NLGN4X: variants seen among roughly 807,000 people sequenced by gnomAD.
NLGN4X encodes the protein neuroligin-4, X-linked.
NLGN4X carries 3 observed loss-of-function variants against 40.3 expected under a neutral mutation model. The ratio of observed to expected loss-of-function variants is 0.07; its 90% CI spans 0.03 to 0.19. NLGN4X has a LOEUF of 0.19. Ranked by LOEUF, NLGN4X falls within the 10% of genes least tolerant of loss-of-function variation. The pLI, the probability that NLGN4X is intolerant of heterozygous loss-of-function variation, is 1.00. For synonymous variants in NLGN4X, 270 were observed against 306.8 expected (o/e 0.88, Z 1.25); for missense variants, 382 against 708.3 (o/e 0.54, Z 5.23).
At chrX:6,004,571 T>C (rs2036055893) in intron 3 of NLGN4X, among the ~76,000 whole-genome samples, 1 of 112,119 alleles carries the variant, frequency 8.9e-6, no homozygotes, top group African/African-American at 3.2e-5. Flanking sequence ...TTTCATTTGA[T>C]AGGAATGGTG....
intron 3 of NLGN4X, among the ~76,000 whole-genome samples, chrX:5,954,840 T>C (rs2146957804): frequency 9.0e-6 from 1 of 111,121 alleles, no homozygotes; most frequent in Admixed American, 9.6e-5. Context: ...CATTCACATG[T>C]TTCTATGACA....
At chrX:6,207,071 C>G (rs1924104462) in intron 1 of NLGN4X, among the ~76,000 whole-genome samples, 1 of 111,338 alleles carries the variant, frequency 9.0e-6, no homozygotes, top group East Asian at 2.8e-4. Context: ...CACACACACA[C>G]AGACATATTT....
chrX:6,169,401 T>TA (rs2040560557), intron 1 of NLGN4X, among the ~76,000 whole-genome samples: 1 of 113,136 alleles, frequency 8.8e-6, no homozygotes, highest in Non-Finnish European at 1.9e-5. Context: ...CTGCAAAAGA[T>TA]AGAGAAAGCA....
In NLGN4X at chrX:5,952,282, T is replaced by A. The variant is rs959397910; in HGVS notation, c.626-43043A>T. 3.6e-5 allele frequency among the ~76,000 whole-genome samples: 4 copies of A among 111,597 alleles called. No individual in the cohort carries two copies. In the Admixed American group the frequency reaches 3.8e-4, roughly 11 times the overall value. ...ATGCAGCCACATCAGGCAGAGAAAG[T>A]GAAGGTCAGGCACGTATTTCCAAAC... On this transcript the variant is annotated intron_variant, in intron 3 of 5. Coordinates refer to ENST00000381095, the MANE Select transcript of NLGN4X (RefSeq NM_181332.3).
At chrX:6,025,839 G>A (rs978754437) in intron 3 of NLGN4X, among the ~76,000 whole-genome samples, 2 of 107,732 alleles carry the variant, frequency 1.9e-5, no homozygotes, top group Non-Finnish European at 3.8e-5. Flanking sequence ...GGGAGGCAGA[G>A]GTTGCAGTGA....
At chrX:6,103,523 T>C (rs1043631716) in intron 2 of NLGN4X, among the ~76,000 whole-genome samples, 1 of 112,262 alleles carries the variant, frequency 8.9e-6, no homozygotes, top group Non-Finnish European at 1.9e-5. Context: ...GTGCAGAATA[T>C]GAATGAGCCA....
chrX:6,168,388 G>C (rs1412845445), intron 1 of NLGN4X, among the ~76,000 whole-genome samples: 1 of 112,368 alleles, frequency 8.9e-6, no homozygotes, highest in East Asian at 2.8e-4. Context: ...CAGTCAAAAA[G>C]GTTTTTAAAC....
Position 6,151,166 on chromosome X carries a change from G to C in NLGN4X, c.301C>G (p.Arg101Gly). ...ACAGCAGCAAACTGAGTAGTATTTC[G>C]GATGCCAGTCCAGGAGGACGGGGGT... ...PEPPSSWTGIRNTTQFAAVCP... is the reference protein window; with the variant it reads ...PEPPSSWTGIGNTTQFAAVCP... Residue 101 changes from arginine (R) to glycine (G), a missense_variant, in exon 2 of 6, where the codon CGA becomes GGA. Around this residue, in one of 5 missense-constraint regions of NLGN4X, gnomAD observed 115 missense variants for 149.6 expected, o/e 0.77. Transcript: ENST00000381095. 1 of 1,211,791 alleles carries C rather than the reference G, an allele frequency of 8.3e-7. No individual in the cohort carries two copies. Among genetic ancestry groups the C allele is most frequent in the Non-Finnish European group, 1.1e-6 (1 of 895,500 alleles).
chrX:6,056,078 C>T (rs1265312477), intron 2 of NLGN4X, among the ~76,000 whole-genome samples: 9 of 112,388 alleles, frequency 8.0e-5, no homozygotes. Context: ...AATGAAGAGT[C>T]TTAAGGCCAT....
chrX:5,992,094 C>A (rs1270732461), intron 3 of NLGN4X, among the ~76,000 whole-genome samples: 2 of 111,535 alleles, frequency 1.8e-5, no homozygotes, highest in African/African-American at 3.3e-5. Flanking sequence ...TGGTAAGGCA[C>A]CCCTCTTAAC....
At chrX:5,900,997 T>C (rs1315851919) in intron 5 of NLGN4X, among the ~76,000 whole-genome samples, 2 of 112,186 alleles carry the variant, frequency 1.8e-5, no homozygotes, top group Admixed American at 9.4e-5. Context: ...AAAAGAACCG[T>C]TGAGTGATAG....
At chrX:5,997,134 G>A (rs2035840729) in intron 3 of NLGN4X, among the ~76,000 whole-genome samples, 2 of 108,817 alleles carry the variant, frequency 1.8e-5, no homozygotes, top group Non-Finnish European at 3.8e-5. Context: ...TTTTGGGGGT[G>A]GGGTTGGAGG....
At chrX:6,158,846 T>C (rs939096064) in intron 1 of NLGN4X, among the ~76,000 whole-genome samples, 5 of 112,139 alleles carry the variant, frequency 4.5e-5, no homozygotes, top group African/African-American at 1.6e-4. Flanking sequence ...CCCCCATGTG[T>C]CCATGTGTTC....
At chrX:6,181,396 T>G (rs1921437028) in intron 1 of NLGN4X, among the ~76,000 whole-genome samples, 1 of 112,188 alleles carries the variant, frequency 8.9e-6, no homozygotes, top group South Asian at 3.7e-4. Context: ...ATGGTAATAT[T>G]ATTAATTTAA....
At chrX:6,010,010 A>T (rs2036206865) in intron 3 of NLGN4X, among the ~76,000 whole-genome samples, 1 of 112,353 alleles carries the variant, frequency 8.9e-6, no homozygotes. Context: ...TCCCACGTCC[A>T]GTTATTCCAA....
intron 2 of NLGN4X, among the ~76,000 whole-genome samples, chrX:6,142,086 T>A (rs1272304300): frequency 8.9e-6 from 1 of 112,091 alleles, no homozygotes; most frequent in Non-Finnish European, 1.9e-5. Flanking sequence ...TGTGAAAATT[T>A]GATTTTTAAT....
intron 5 of NLGN4X, among the ~76,000 whole-genome samples, chrX:5,898,581 G>A: frequency 9.0e-6 from 1 of 111,040 alleles, no homozygotes; most frequent in Non-Finnish European, 1.9e-5. Flanking sequence ...GGCTGTGCCT[G>A]CAGGTTTAGA....
At chrX:6,115,470 G>T (rs2039257785) in intron 2 of NLGN4X, among the ~76,000 whole-genome samples, 1 of 111,448 alleles carries the variant, frequency 9.0e-6, no homozygotes, top group African/African-American at 3.3e-5. Flanking sequence ...CTGTTCTCAG[G>T]GGCTTCATGT....
At chrX:6,165,839 A>G (rs2040484824) in intron 1 of NLGN4X, among the ~76,000 whole-genome samples, 1 of 111,713 alleles carries the variant, frequency 9.0e-6, no homozygotes, top group Middle Eastern at 4.2e-3. Flanking sequence ...TTGTGAGTAC[A>G]TAGCAGGTGT....
Sources: gnomAD v4.1 joint callset for allele counts (sites outside exome capture counted in the v4.1 genomes callset) on GRCh38, gnomAD v4.1.1 for gene constraint, gnomAD v4.1.1 regional missense constraint, MANE v1.5 for transcripts, NCBI Gene and HGNC (gene_info 2026-07-23, HGNC 2026-07-21) for gene names.